ZNF503: variants seen among roughly 807,000 people sequenced by gnomAD.
ZNF503 encodes NocA-like zinc finger 2.
ZNF503 carries 15 observed loss-of-function variants against 34.4 expected under a neutral mutation model. The ratio of observed to expected loss-of-function variants is 0.44; its 90% CI spans 0.29 to 0.67. The LOEUF (loss-of-function observed/expected upper bound fraction) is 0.67, where lower values mean the gene tolerates loss of function less well. Ranked by LOEUF, ZNF503 falls within the 30% of genes least tolerant of loss-of-function variation. The pLI, the probability that ZNF503 is intolerant of heterozygous loss-of-function variation, is 0.13. For synonymous variants in ZNF503, 580 were observed against 456.8 expected (o/e 1.27, Z -3.44); for missense variants, 1,007 against 926.8 (o/e 1.09, Z -1.12).
chr10:75,309,403 CTTCA>C, the ZNF503 span, among the ~76,000 whole-genome samples: 1 of 152,106 alleles, frequency 6.6e-6, no homozygotes, highest in Non-Finnish European at 1.5e-5. Context: ...ATGCAGCAAA[CTTCA>C]TTATTATCTT....
chr10:75,337,765 C>A, the ZNF503 span, among the ~76,000 whole-genome samples: 3 of 152,192 alleles, frequency 2.0e-5, no homozygotes, highest in Admixed American at 1.3e-4. Flanking sequence ...AAGGAAAGGA[C>A]CACTTAGGTT....
At chr10:75,378,756 G>C in the ZNF503 span, among the ~76,000 whole-genome samples, 6,052 of 152,190 alleles carry the variant, frequency 0.04, 352 homozygotes, top group African/African-American at 0.13. Context: ...CAGAACACAA[G>C]CACAGATGCA....
chr10:75,324,835 C>T, the ZNF503 span, among the ~76,000 whole-genome samples: 37 of 152,264 alleles, frequency 2.4e-4, no homozygotes, highest in South Asian at 7.5e-3. Context: ...CTCCCCTCAG[C>T]CCTAAGCAAC....
chr10:75,363,098 A>G, the ZNF503 span, among the ~76,000 whole-genome samples: 1 of 151,894 alleles, frequency 6.6e-6, no homozygotes, highest in African/African-American at 2.4e-5. Flanking sequence ...ACACACACAC[A>G]CACACACTTC....
the ZNF503 span, among the ~76,000 whole-genome samples, chr10:75,314,153 C>T: frequency 3.4e-5 from 5 of 149,062 alleles, no homozygotes; most frequent in East Asian, 4.0e-4. Flanking sequence ...AAGCTCAGTG[C>T]GTGAACCCGG....
chr10:75,396,333 G>A (rs1044814563), downstream of ZNF503, among the ~76,000 whole-genome samples: 2 of 152,166 alleles, frequency 1.3e-5, no homozygotes, highest in Non-Finnish European at 2.9e-5. The surrounding 1 kb of genome is among the most constrained non-coding windows in gnomAD (Gnocchi z 4.4). Flanking sequence ...CGCGACGTCC[G>A]GACATCAGGG....
the ZNF503 span, among the ~76,000 whole-genome samples, chr10:75,311,888 C>T: frequency 6.6e-6 from 1 of 151,912 alleles, no homozygotes; most frequent in Non-Finnish European, 1.5e-5. Context: ...CAGGCGTGCA[C>T]CACCACACCC....
the ZNF503 span, among the ~76,000 whole-genome samples, chr10:75,341,891 G>A: frequency 6.6e-6 from 1 of 152,158 alleles, no homozygotes; most frequent in African/African-American, 2.4e-5. Context: ...CACTGGGTCT[G>A]AATTAGGATG....
At chr10:75,345,344 A>G in the ZNF503 span, among the ~76,000 whole-genome samples, 1 of 152,124 alleles carries the variant, frequency 6.6e-6, no homozygotes, top group East Asian at 1.9e-4. Flanking sequence ...CTCTGGCATG[A>G]AAGGGTAGAA....
the ZNF503 span, among the ~76,000 whole-genome samples, chr10:75,302,365 C>A: frequency 1.4e-5 from 1 of 69,480 alleles, no homozygotes; most frequent in Non-Finnish European, 3.2e-5. Flanking sequence ...ATATATCCTA[C>A]TTGGGGTTTA....
the ZNF503 span, among the ~76,000 whole-genome samples, chr10:75,339,731 T>C: frequency 6.6e-6 from 1 of 152,038 alleles, no homozygotes; most frequent in Admixed American, 6.5e-5. Flanking sequence ...CAAAGGCGAA[T>C]GGTATGGTAG....
At chr10:75,364,201 A>G in the ZNF503 span, among the ~76,000 whole-genome samples, 1 of 152,170 alleles carries the variant, frequency 6.6e-6, no homozygotes, top group South Asian at 2.1e-4. Context: ...GGGCATGACA[A>G]CAAACTTGGT....
At chr10:75,381,802 ATTCTTTT>A in the ZNF503 span, among the ~76,000 whole-genome samples, 3 of 41,376 alleles carry the variant, frequency 7.3e-5, no homozygotes, top group African/African-American at 2.5e-4. Flanking sequence ...ACAGAACCTA[ATTCTTTT>A]TTTTTTTTTT....
chr10:75,345,167 G>A, the ZNF503 span, among the ~76,000 whole-genome samples: 1 of 152,178 alleles, frequency 6.6e-6, no homozygotes, highest in Non-Finnish European at 1.5e-5. Context: ...ATGCTGTGAT[G>A]CTGAGCAGGT....
rs1471936316 is a variant in ZNF503 at position 75,399,234 on chromosome 10, C to T, written c.1456G>A (p.Ala486Thr). ...GAGGGCGGTGTGGCGCCAGCAGCCGCGGCGGCCGTTAGCGAGGAGTGCACA... is the reference window on the plus strand; with the variant it reads ...GAGGGCGGTGTGGCGCCAGCAGCCGTGGCGGCCGTTAGCGAGGAGTGCACA... ...HGVHSSLTAA[A>T]AAGATPPSLA... Residue 486 changes from alanine to threonine, a missense_variant, in exon 2 of 2, where the codon GCG (alanine) becomes ACG (threonine). Ala to Thr is a moderately conservative substitution (Grantham distance 58). Coordinates refer to ENST00000372524, the MANE Select transcript of ZNF503 (RefSeq NM_032772.6). 1 of 1,590,268 alleles carries T rather than the reference C, an allele frequency of 6.3e-7. No individual in the cohort carries two copies. The highest frequency in any genetic ancestry group is 1.3e-5 in the African/African-American group (1 of 74,458).
the ZNF503 span, among the ~76,000 whole-genome samples, chr10:75,368,077 T>C: frequency 1.0e-3 from 153 of 151,948 alleles, no homozygotes; most frequent in African/African-American, 3.6e-3. Flanking sequence ...TAGGAGGGAG[T>C]TCAGGCACCT....
At chr10:75,282,278 AG>A in the ZNF503 span, among the ~76,000 whole-genome samples, 1 of 152,000 alleles carries the variant, frequency 6.6e-6, no homozygotes, top group Admixed American at 6.6e-5. Context: ...TCTGCTGGGG[AG>A]GGTTCCTCTT....
chr10:75,290,779 C>T, the ZNF503 span, among the ~76,000 whole-genome samples: 123 of 152,284 alleles, frequency 8.1e-4, no homozygotes, highest in African/African-American at 2.9e-3. Context: ...CTGCCAAAGT[C>T]GTTGAACTGA....
rs1157491422 is a variant in ZNF503 at position 75,400,003 on chromosome 10, C to T, written c.687G>A (p.Pro229=). The T allele has an allele frequency of 1.2e-6, 2 of 1,604,796 alleles. No individual in the cohort carries two copies. The highest frequency in any genetic ancestry group is 2.2e-5 in the East Asian group (1 of 44,758). The change falls in exon 2 of 2, where the codon CCG becomes CCA. Residue 229 remains proline, a synonymous_variant. Coordinates refer to ENST00000372524, the MANE Select transcript of ZNF503 (RefSeq NM_032772.6). The stretch of plus-strand genomic sequence containing the variant: ...GCGAGCAGGCCGAGGCGCTGGAGCT[C>T]GGGCTGCCTGTCCTGGGCGTGAATG... ...CQPFTPRTGS[P]SSSASACSPG...
Sources: allele counts gnomAD v4.1 joint callset (sites outside exome capture counted in the v4.1 genomes callset), GRCh38; gene constraint gnomAD v4.1.1; non-coding constraint Gnocchi (gnomAD v3.1); transcripts MANE v1.5; gene names NCBI Gene and HGNC (gene_info 2026-07-23, HGNC 2026-07-21).